CCDC28B: variants seen among roughly 807,000 people sequenced by gnomAD.
The protein encoded by CCDC28B is coiled-coil domain containing 28B.
CCDC28B carries 17 observed loss-of-function variants against 18.7 expected under a neutral mutation model. The ratio of observed to expected loss-of-function variants is 0.91; its 90% CI spans 0.62 to 1.36. CCDC28B has a LOEUF of 1.36. Ranked by LOEUF, CCDC28B falls within the 40% of genes most tolerant of loss-of-function variation. The pLI, the probability that CCDC28B is intolerant of heterozygous loss-of-function variation, is 0.00. For missense variants in CCDC28B, 213 were observed against 251.7 expected (o/e 0.85, Z 1.04); for synonymous variants, 116 against 105.1 (o/e 1.10, Z -0.64).
At chr1:32,204,975 T>C in intron 5 of CCDC28B, 1 of 1,271,518 alleles carries the variant, frequency 7.9e-7, no homozygotes, top group Non-Finnish European at 1.1e-6. Flanking sequence ...ACAGCGCGAG[T>C]GCGCGCGCAC....
chr1:32,202,330 A>AG, intron 2 of CCDC28B: 1 of 685,398 alleles, frequency 1.5e-6, no homozygotes, highest in Non-Finnish European at 2.7e-6. Context: ...GCCTCAGAGG[A>AG]GGGAGTGAGC....
Position 32,204,481 on chromosome 1 carries a change from G to A in CCDC28B, c.525+102G>A, listed in dbSNP as rs1643252653. On this transcript the variant is annotated intron_variant, in intron 4 of 5. Coordinates refer to ENST00000373602, the MANE Select transcript of CCDC28B (RefSeq NM_024296.5). ...GGGCCCTGGGTGAAAAGGTGGGAGT[G>A]CATGGATCCAAGAGCTCTGGGCCCC... 4 of 1,512,504 alleles carry A rather than the reference G, an allele frequency of 2.6e-6. No individual in the cohort carries two copies. In the South Asian group the frequency reaches 5.4e-5, roughly 20 times the overall value. The allele number at this position is 1,512,504 out of a possible 1,614,324, so 93.7% of individuals were successfully genotyped here. A position where few individuals can be genotyped will look rare whatever the true frequency, so the allele number is the denominator to read the frequency against.
chr1:32,202,232 C>T, intron 2 of CCDC28B, 133 bp downstream of exon 2: 2 of 1,181,722 alleles, frequency 1.7e-6, no homozygotes, highest in South Asian at 1.3e-5. Flanking sequence ...CCCCTGAGAA[C>T]TCAGAGCTCA....
chr1:32,203,905 T>C lies in CCDC28B; in HGVS notation c.191T>C (p.Val64Ala), dbSNP rs774731331. The C allele has an allele frequency of 4.6e-6, 7 of 1,526,836 alleles. No homozygotes were observed. In the South Asian group the frequency reaches 9.1e-5, roughly 20 times the overall value. The allele number at this position is 1,526,836 out of a possible 1,614,324, so 94.6% of individuals were successfully genotyped here. ...GTAGGCAAAGAGAAGTGCCGCCCAG[T>C]CCTGGCTGGAGGTGGAAGCGGCTCT... is the stretch of plus-strand genomic sequence containing the variant. The part of the protein sequence containing the change: ...KRVGKEKCRP[V>A]LAGGGSGSAG... The change falls in exon 3 of 6, where the codon GTC (valine) becomes GCC (alanine). Residue 64 changes from valine to alanine, a missense_variant. Coordinates refer to ENST00000373602, the MANE Select transcript of CCDC28B (RefSeq NM_024296.5).
At chr1:32,201,652 A>G (rs185074532) in intron 1 of CCDC28B, 289 of 286,614 alleles carry the variant, frequency 1.0e-3, no homozygotes, top group African/African-American at 6.0e-3. Flanking sequence ...TAGCGCCAAG[A>G]TAGTTGTGAC....
rs780752084 is a variant in CCDC28B at position 32,201,971 on chromosome 1, C to G, written c.36C>G (p.Pro12=). 10 of 1,611,600 alleles carry G rather than the reference C, an allele frequency of 6.2e-6. No individual in the cohort carries two copies. Among genetic ancestry groups the G allele is most frequent in the Non-Finnish European group, 7.6e-6 (9 of 1,179,134 alleles). ...AAAAGAAGAAACGGAGTCCCAAGCC[C>G]TGCCTGGCCCAGCCAGCCCAGGCCC... is the stretch of plus-strand genomic sequence containing the variant. ...DDKKKKRSPK[P]CLAQPAQAPG... is the part of the protein sequence containing the mutation. Residue 12 remains proline, a synonymous_variant, in exon 2 of 6, where the codon CCC becomes CCG. Coordinates refer to ENST00000373602, the MANE Select transcript of CCDC28B (RefSeq NM_024296.5).
chr1:32,201,792 G>T, intron 1 of CCDC28B, 121 bp from the exon 2 acceptor site: 1 of 797,740 alleles, frequency 1.3e-6, no homozygotes, highest in South Asian at 1.7e-5. Flanking sequence ...TGCCCCTACC[G>T]TATAGATGAG....
chr1:32,203,387 G>A (rs1435432307), intron 2 of CCDC28B, among the ~76,000 whole-genome samples: 1 of 151,850 alleles, frequency 6.6e-6, no homozygotes, highest in African/African-American at 2.4e-5. Flanking sequence ...GAACCCAGGA[G>A]GCGAGGTTGC....
chr1:32,204,666 G>A (rs754323207), intron 5 of CCDC28B, 46 bp downstream of exon 5: 3 of 1,613,764 alleles, frequency 1.9e-6, no homozygotes, highest in Non-Finnish European at 2.5e-6. Context: ...TTCCTGAGAG[G>A]TCAGTTTCCT....
At chr1:32,197,005 C>T (rs1449826061), upstream of CCDC28B, 7 of 152,284 alleles carry the variant, frequency 4.6e-5, no homozygotes, top group Non-Finnish European at 1.0e-4. This position sits in a 1 kb window ranked among gnomAD's most constrained non-coding sequence, Gnocchi z 4.6. Context: ...AGATCTCTGC[C>T]ATCTCTGGCT....
chr1:32,204,865 C>T, intron 5 of CCDC28B: 1 of 1,528,908 alleles, frequency 6.5e-7, no homozygotes, highest in Non-Finnish European at 8.8e-7. Flanking sequence ...TAGCTGACAT[C>T]AATCATAGCA....
At chr1:32,204,416 A>C in intron 4 of CCDC28B, 37 bp downstream of exon 4, 1 of 1,541,194 alleles carries the variant, frequency 6.5e-7, no homozygotes, top group Non-Finnish European at 8.7e-7. Context: ...TCCTGGGGGC[A>C]TGAGGGGTGG....
chr1:32,201,421 C>T (rs547219651), intron 1 of CCDC28B, among the ~76,000 whole-genome samples: 2 of 152,254 alleles, frequency 1.3e-5, no homozygotes, highest in South Asian at 4.1e-4. Context: ...CTACAATTAC[C>T]CACACGCTGG....
chr1:32,199,203 A>G (rs1045771575), upstream of CCDC28B, among the ~76,000 whole-genome samples: 1 of 152,286 alleles, frequency 6.6e-6, no homozygotes, highest in Admixed American at 6.5e-5. Flanking sequence ...TGCCCAGGAA[A>G]TGGCAGAGAC....
Position 32,205,275 on chromosome 1 carries a change from C to T in CCDC28B, c.*27C>T. Reference sequence around the variant, plus strand: ...CGTCCCACGCAGGCCCACACTGCCCCTCTCATTCTCTTCAAACTGTGACTT... The same window carrying T: ...CGTCCCACGCAGGCCCACACTGCCCTTCTCATTCTCTTCAAACTGTGACTT... On this transcript the variant is annotated 3_prime_UTR_variant, in exon 6 of 6. Transcript: ENST00000373602. The surrounding 1 kb of genome is among the most constrained non-coding windows in gnomAD (Gnocchi z 5.6). 6.3e-7 allele frequency: 1 copy of T among 1,589,732 alleles called. No individual in the cohort carries two copies. Among genetic ancestry groups the T allele is most frequent in the South Asian group, 1.1e-5 (1 of 88,662 alleles).
In CCDC28B at chr1:32,205,252, T is replaced by C. The variant is rs767070887; in HGVS notation, c.*4T>C. 4 of 1,611,776 alleles carry C rather than the reference T, an allele frequency of 2.5e-6. No homozygotes were observed. The highest frequency in any genetic ancestry group is 3.4e-6 in the Non-Finnish European group (4 of 1,178,722). On this transcript the variant is annotated 3_prime_UTR_variant, in exon 6 of 6. Coordinates refer to ENST00000373602, the MANE Select transcript of CCDC28B (RefSeq NM_024296.5). This position sits in a 1 kb window ranked among gnomAD's most constrained non-coding sequence, Gnocchi z 5.6. ...TGAGGAGCAGTCCGCTGCGTAGGCG[T>C]CCCACGCAGGCCCACACTGCCCCTC...
At chr1:32,198,876 G>A (rs1014332633), upstream of CCDC28B, among the ~76,000 whole-genome samples, 131 of 152,336 alleles carry the variant, frequency 8.6e-4, no homozygotes, top group African/African-American at 3.0e-3. Flanking sequence ...GGCTCCAGCA[G>A]TAAGGCAAAA....
Position 32,204,361 on chromosome 1 carries a change from G to C in CCDC28B, c.507G>C (p.Leu169=). 1 of 1,585,598 alleles carries C rather than the reference G, an allele frequency of 6.3e-7. No homozygotes were observed. The highest frequency in any genetic ancestry group is 8.6e-7 in the Non-Finnish European group (1 of 1,165,612). The part of the protein sequence containing the change: ...EQKKTMADRN[L]DQLLSNLEDL... The stretch of plus-strand genomic sequence containing the variant: ...AGAAGACAATGGCTGACCGTAACCT[G>C]GACCAGCTGCTTAGCAATGTGGGTT... Residue 169 remains leucine (L), a synonymous_variant, in exon 4 of 6, where the codon CTG becomes CTC. Transcript: ENST00000373602.
chr1:32,198,139 A>T (rs1227317762), upstream of CCDC28B: 3 of 152,268 alleles, frequency 2.0e-5, no homozygotes, highest in African/African-American at 7.2e-5. Flanking sequence ...TGTCCCTGTA[A>T]CTGCTTTCCT....
Sources: gnomAD v4.1 joint callset for allele counts (sites outside exome capture counted in the v4.1 genomes callset) on GRCh38, gnomAD v4.1.1 for gene constraint, Gnocchi (gnomAD v3.1) non-coding constraint, MANE v1.5 for transcripts, NCBI Gene and HGNC (gene_info 2026-07-23, HGNC 2026-07-21) for gene names.